The following PDE3B variants were observed in gnomAD, a reference collection of about 807,000 sequenced individuals.
The protein encoded by PDE3B is phosphodiesterase 3B, also known as cGMP-inhibited 3',5'-cyclic phosphodiesterase 3B.
Under a neutral mutation model 116.8 loss-of-function variants are expected in PDE3B, and 66 were observed. The observed-to-expected ratio is 0.56, with a 90% CI of 0.46 to 0.69. The LOEUF is 0.69. Among genes scored for constraint, PDE3B ranks in the 30% least tolerant of loss-of-function variants. PDE3B has a pLI of 0.00. For missense variants in PDE3B, 1,384 were observed against 1,368.1 expected, an observed-to-expected ratio of 1.01 and a Z score of -0.18; for synonymous variants, 595 against 533.6, an observed-to-expected ratio of 1.12 and a Z score of -1.59.
chr11:14,658,993 A>G (rs923130077), intron 1 of PDE3B, among the ~76,000 whole-genome samples: 3 of 152,192 alleles, frequency 2.0e-5, no homozygotes, highest in African/African-American at 7.2e-5. Context: ...CCTAGTTGAT[A>G]CATAATACTC....
intron 15 of PDE3B, 29 bp from the exon 16 acceptor site, chr11:14,869,431 AT>A: frequency 6.3e-7 from 1 of 1,579,890 alleles, no homozygotes; most frequent in Non-Finnish European, 8.6e-7. Flanking sequence ...TATTGCTATG[AT>A]TAGAATATAT....
chr11:14,726,430 A>C (rs779788372), intron 1 of PDE3B, among the ~76,000 whole-genome samples: 2 of 152,220 alleles, frequency 1.3e-5, no homozygotes, highest in African/African-American at 2.4e-5. Context: ...GAATGAATAT[A>C]TAAGTCTGGA....
intron 1 of PDE3B, among the ~76,000 whole-genome samples, chr11:14,752,811 C>T (rs1857088642): frequency 1.3e-5 from 2 of 152,056 alleles, no homozygotes; most frequent in South Asian, 4.1e-4. Flanking sequence ...CTTTTGTCCT[C>T]CTGCCCCATT....
chr11:14,763,682 G>T (rs1408299922), intron 1 of PDE3B, among the ~76,000 whole-genome samples: 1 of 152,128 alleles, frequency 6.6e-6, no homozygotes, highest in Non-Finnish European at 1.5e-5. Context: ...AGCACAGACA[G>T]TTCATCTGTT....
At chr11:14,799,091 G>T (rs949701998) in intron 4 of PDE3B, among the ~76,000 whole-genome samples, 3 of 151,916 alleles carry the variant, frequency 2.0e-5, no homozygotes, top group African/African-American at 7.3e-5. Context: ...TTCCTTTTAC[G>T]CACTGCTTTA....
chr11:14,824,036 G>A (rs913535135), intron 7 of PDE3B, among the ~76,000 whole-genome samples: 14 of 152,132 alleles, frequency 9.2e-5, no homozygotes, highest in African/African-American at 2.7e-4. Flanking sequence ...GTCCATACCC[G>A]AGCACAGAGT....
rs1357759958 is a variant in PDE3B, at chr11:14,803,810, T to C, written c.1416-134T>C. On this transcript the variant is annotated intron_variant, in intron 4 of 15. Coordinates refer to ENST00000282096, the MANE Select transcript of PDE3B (RefSeq NM_000922.4). ...AGAAAAAGTTTGCTGACTCCTGCTTTAGGCCTTAGGCACTAGAGGCGCAAA... is the reference window on the plus strand; with the variant it reads ...AGAAAAAGTTTGCTGACTCCTGCTTCAGGCCTTAGGCACTAGAGGCGCAAA... 4 of 608,586 alleles carry C rather than the reference T, an allele frequency of 6.6e-6. No homozygotes were observed. In the East Asian group the frequency reaches 1.1e-4, roughly 17 times the overall value. 37.7% of individuals were successfully genotyped at this position (608,586 alleles called of 1,614,324 possible).
intron 1 of PDE3B, among the ~76,000 whole-genome samples, chr11:14,684,230 T>C (rs948850957): frequency 6.6e-6 from 1 of 152,184 alleles, no homozygotes; most frequent in Non-Finnish European, 1.5e-5. Flanking sequence ...TTATATTTTC[T>C]GTAAGTGTCG....
At chr11:14,843,707 C>A (rs1847522573) in intron 11 of PDE3B, 120 bp from the exon 12 acceptor site, 2 of 725,552 alleles carry the variant, frequency 2.8e-6, no homozygotes, top group Non-Finnish European at 2.4e-6. Flanking sequence ...GATTTTAGTT[C>A]TTACTTAAAT....
chr11:14,644,266 CCT>C lies in PDE3B; in HGVS notation c.195_196del (p.Gln67AlafsTer272). ...AACGTGGAGCTGCGGCCGCCGCCGG[CCT>C]CTCCCCAGCAGCCGCGGCGCTGCTC... is the stretch of plus-strand genomic sequence containing the variant. On this transcript the variant is annotated frameshift_variant, in exon 1 of 16. Transcript: ENST00000282096. LOFTEE classifies it high-confidence loss of function. The C allele has an allele frequency of 6.4e-7, 1 of 1,568,786 alleles. No homozygotes were observed. Among genetic ancestry groups the C allele is most frequent in the East Asian group, 2.4e-5 (1 of 41,626 alleles).
intron 1 of PDE3B, among the ~76,000 whole-genome samples, chr11:14,742,331 G>A (rs1223242677): frequency 6.6e-6 from 1 of 151,958 alleles, no homozygotes; most frequent in Non-Finnish European, 1.5e-5. Context: ...ATTTCATCAA[G>A]TTGATCTTCA....
At chr11:14,776,569 G>A (rs574881895) in intron 2 of PDE3B, 1 of 151,914 alleles carries the variant, frequency 6.6e-6, no homozygotes. Context: ...CACCAGCATG[G>A]CACATGTATA....
chr11:14,653,452 G>T (rs372795805), intron 1 of PDE3B, among the ~76,000 whole-genome samples: 6 of 151,688 alleles, frequency 4.0e-5, no homozygotes, highest in Non-Finnish European at 7.4e-5. Flanking sequence ...AAACACATCC[G>T]CCCTCGGGAG....
chr11:14,840,717 A>G (rs970486660), intron 11 of PDE3B, among the ~76,000 whole-genome samples: 1 of 152,218 alleles, frequency 6.6e-6, no homozygotes, highest in African/African-American at 2.4e-5. Context: ...TAATAAGGTA[A>G]ATCCTTCCAG....
chr11:14,730,770 T>A (rs1037322134), intron 1 of PDE3B, among the ~76,000 whole-genome samples: 11 of 152,196 alleles, frequency 7.2e-5, no homozygotes, highest in African/African-American at 2.4e-4. Context: ...GTACTCACTT[T>A]GGAGAATGAG....
chr11:14,745,385 T>G (rs949359873), intron 1 of PDE3B, among the ~76,000 whole-genome samples: 7 of 152,162 alleles, frequency 4.6e-5, no homozygotes, highest in Non-Finnish European at 8.8e-5. Context: ...CTAACTATAT[T>G]GATTAAGTTA....
intron 1 of PDE3B, among the ~76,000 whole-genome samples, chr11:14,679,209 G>T (rs546709895): frequency 6.6e-6 from 1 of 150,912 alleles, no homozygotes; most frequent in East Asian, 1.9e-4. Flanking sequence ...TTTGACCTTT[G>T]CAGAAACATT....
rs749090897 is a variant in PDE3B at position 14,644,336 on chromosome 11, C to A, written c.261C>A (p.Ala87=). 7.0e-6 allele frequency: 11 copies of A among 1,581,516 alleles called. No homozygotes were observed. The African/African-American group carries it at 1.2e-4, about 18-fold the overall frequency. Residue 87 remains alanine (A), a synonymous_variant, in exon 1 of 16, where the codon GCC becomes GCA. Coordinates refer to ENST00000282096, the MANE Select transcript of PDE3B (RefSeq NM_000922.4). The part of the protein sequence containing the change: ...RARLSLGALA[A]FVLALLLGAE... Reference sequence around the variant, plus strand: ...GCCTCTCGCTGGGCGCCCTGGCTGCCTTTGTCCTCGCCCTGCTGCTGGGCG... The same window carrying A: ...GCCTCTCGCTGGGCGCCCTGGCTGCATTTGTCCTCGCCCTGCTGCTGGGCG...
intron 4 of PDE3B, among the ~76,000 whole-genome samples, chr11:14,796,417 C>G (rs912328465): frequency 1.3e-5 from 2 of 152,208 alleles, no homozygotes; most frequent in South Asian, 2.1e-4. Flanking sequence ...AATGGTATTT[C>G]TTGTCCTAGA....
Sources: gnomAD v4.1 joint callset for allele counts (sites outside exome capture counted in the v4.1 genomes callset) on GRCh38, gnomAD v4.1.1 for gene constraint, MANE v1.5 for transcripts, NCBI Gene and HGNC (gene_info 2026-07-23, HGNC 2026-07-21) for gene names.